The following ATG10 variants were observed in gnomAD, a reference collection of about 807,000 sequenced individuals.
ATG10 encodes the protein ubiquitin-like-conjugating enzyme ATG10.
In ATG10, 30 loss-of-function variants were observed where a neutral mutation model predicts 32.1. The observed-to-expected ratio is 0.94, with a 90% CI of 0.70 to 1.27. The LOEUF is 1.27. ATG10 is among the 50% of genes most tolerant of loss of function. The pLI is 0.00. For synonymous variants in ATG10, 87 were observed against 91.5 expected (o/e 0.95, Z 0.28); for missense variants, 233 against 262.3 (o/e 0.89, Z 0.77).
intron 5 of ATG10, among the ~76,000 whole-genome samples, chr5:82,213,670 A>G (rs951013415): frequency 6.6e-6 from 1 of 152,216 alleles, no homozygotes; most frequent in Non-Finnish European, 1.5e-5. Flanking sequence ...AACTCCATGC[A>G]TATTCCTACC....
At chr5:82,177,882 C>A (rs1744093665) in intron 4 of ATG10, among the ~76,000 whole-genome samples, 1 of 152,136 alleles carries the variant, frequency 6.6e-6, no homozygotes, top group African/African-American at 2.4e-5. Flanking sequence ...GTGTTAATAT[C>A]TCTCTTCCTT....
intron 2 of ATG10, among the ~76,000 whole-genome samples, chr5:82,053,324 C>T (rs1050891344): frequency 5.3e-5 from 8 of 152,034 alleles, no homozygotes; most frequent in African/African-American, 1.4e-4. Context: ...CTATTGGACC[C>T]CTTCCTGTTG....
chr5:82,082,158 G>T (rs1318111860), intron 3 of ATG10, among the ~76,000 whole-genome samples: 2 of 152,090 alleles, frequency 1.3e-5, no homozygotes, highest in Non-Finnish European at 2.9e-5. Flanking sequence ...ATTTGGGGGG[G>T]GGGACACAGC....
At chr5:82,143,371 T>C (rs1181443692) in intron 3 of ATG10, among the ~76,000 whole-genome samples, 2 of 152,140 alleles carry the variant, frequency 1.3e-5, no homozygotes, top group African/African-American at 2.4e-5. Context: ...GTTAGAGTCA[T>C]GGGAGGATGT....
intron 2 of ATG10, among the ~76,000 whole-genome samples, chr5:81,999,891 T>C (rs1209719148): frequency 6.6e-6 from 1 of 152,102 alleles, no homozygotes; most frequent in Non-Finnish European, 1.5e-5. Flanking sequence ...AATAAAAAGT[T>C]TACCAACCAG....
At chr5:82,001,201 T>A (rs989077232) in intron 2 of ATG10, among the ~76,000 whole-genome samples, 1 of 152,172 alleles carries the variant, frequency 6.6e-6, no homozygotes, top group African/African-American at 2.4e-5. Flanking sequence ...AAAATGGCCA[T>A]ACTGCCCAAA....
intron 5 of ATG10, among the ~76,000 whole-genome samples, chr5:82,202,809 C>G (rs1403309936): frequency 6.6e-6 from 1 of 152,204 alleles, no homozygotes; most frequent in African/African-American, 2.4e-5. Flanking sequence ...ATACTGTTCC[C>G]TTTTCCAGTT....
intron 1 of ATG10, among the ~76,000 whole-genome samples, chr5:81,983,839 C>G (rs1352936057): frequency 6.6e-6 from 1 of 151,908 alleles, no homozygotes; most frequent in Non-Finnish European, 1.5e-5. Flanking sequence ...CGTGGCCAGG[C>G]AGAGACGCTC....
intron 3 of ATG10, among the ~76,000 whole-genome samples, chr5:82,113,489 A>G (rs1765681224): frequency 6.6e-6 from 1 of 151,954 alleles, no homozygotes; most frequent in Non-Finnish European, 1.5e-5. Flanking sequence ...ACTATTGGGA[A>G]TGATATTTTA....
intron 2 of ATG10, among the ~76,000 whole-genome samples, chr5:82,056,194 T>G (rs1763589485): frequency 6.6e-6 from 1 of 152,134 alleles, no homozygotes; most frequent in Non-Finnish European, 1.5e-5. Flanking sequence ...AAACACAAAT[T>G]TATGTTACTT....
At chr5:82,012,664 T>C (rs1363469346) in intron 2 of ATG10, among the ~76,000 whole-genome samples, 1 of 152,148 alleles carries the variant, frequency 6.6e-6, no homozygotes, top group Non-Finnish European at 1.5e-5. Context: ...TTGTTTTTAC[T>C]GTTTTTTTTT....
At chr5:81,997,208 C>T (rs530510052) in intron 2 of ATG10, among the ~76,000 whole-genome samples, 15 of 152,354 alleles carry the variant, frequency 9.8e-5, no homozygotes, top group South Asian at 4.1e-4. Flanking sequence ...CCACTGCCAC[C>T]GCCCAACGAA....
chr5:82,232,854 T>C (rs1460288472), intron 5 of ATG10, among the ~76,000 whole-genome samples: 7 of 152,168 alleles, frequency 4.6e-5, no homozygotes, highest in Admixed American at 4.6e-4. Context: ...CTTCCTTCTC[T>C]CCCCAGGGCT....
At chr5:82,214,753 C>T (rs996329766) in intron 5 of ATG10, among the ~76,000 whole-genome samples, 5 of 152,068 alleles carry the variant, frequency 3.3e-5, no homozygotes, top group Non-Finnish European at 5.9e-5. Flanking sequence ...GACTCTCTTA[C>T]GAGGTGGCAG....
intron 3 of ATG10, among the ~76,000 whole-genome samples, chr5:82,064,215 A>G (rs1274708958): frequency 1.3e-5 from 2 of 152,232 alleles, no homozygotes; most frequent in African/African-American, 2.4e-5. Context: ...TCGCTGATCA[A>G]AAGATACTTC....
intron 1 of ATG10, chr5:81,973,034 T>C (rs1285871212): frequency 6.6e-6 from 1 of 152,214 alleles, no homozygotes; most frequent in Non-Finnish European, 1.5e-5. Flanking sequence ...AACATCTTTT[T>C]CATTAATGGA....
intron 2 of ATG10, among the ~76,000 whole-genome samples, chr5:81,993,147 T>C (rs974549074): frequency 2.0e-5 from 3 of 152,184 alleles, no homozygotes; most frequent in African/African-American, 7.2e-5. Context: ...ATTTACTAAC[T>C]GGATTTTGGA....
At chr5:82,123,884 T>A (rs766302643) in intron 3 of ATG10, among the ~76,000 whole-genome samples, 2 of 151,840 alleles carry the variant, frequency 1.3e-5, no homozygotes, top group Non-Finnish European at 2.9e-5. Flanking sequence ...TGTGATTAGC[T>A]GTGATTGCAC....
chr5:82,063,000 GA>G (rs1050883901), intron 3 of ATG10, among the ~76,000 whole-genome samples: 13 of 152,080 alleles, frequency 8.5e-5, no homozygotes, highest in Non-Finnish European at 2.9e-5. Context: ...ATGGCAATTT[GA>G]ATTTTTTTAG....
Sources: gnomAD v4.1 joint callset for allele counts (sites outside exome capture counted in the v4.1 genomes callset) on GRCh38, gnomAD v4.1.1 for gene constraint, MANE v1.5 for transcripts, NCBI Gene and HGNC (gene_info 2026-07-23, HGNC 2026-07-21) for gene names.